The following PCDHA4 variants were observed in gnomAD, a reference collection of about 807,000 sequenced individuals.
PCDHA4 encodes the protein protocadherin alpha-4.
Under a neutral mutation model 61.4 loss-of-function variants are expected in PCDHA4, and 49 were observed. The ratio of observed to expected loss-of-function variants is 0.80; its 90% CI spans 0.63 to 1.01. The LOEUF is 1.01. PCDHA4 is among the 50% of genes least tolerant of loss of function. The probability of loss-of-function intolerance (pLI) is 0.00; values close to 1 mark genes in which losing one functional copy is unlikely to be tolerated. For synonymous variants in PCDHA4, 590 were observed against 550.3 expected, an observed-to-expected ratio of 1.07 and a Z score of -1.01; for missense variants, 1,254 against 1,235.8, an observed-to-expected ratio of 1.01 and a Z score of -0.22.
chr5:141,009,539 C>G lies in PCDHA4; in HGVS notation c.2534-88C>G, dbSNP rs141154047. 10,440 of 1,522,742 alleles carry G rather than the reference C, an allele frequency of 6.9e-3. 51 individuals are homozygous for G. Among genetic ancestry groups the G allele is most frequent in the Admixed American group, 0.011 (516 of 46,760 alleles). 94.3% of individuals were successfully genotyped at this position (1,522,742 alleles called of 1,614,324 possible). A position where few individuals can be genotyped will look rare whatever the true frequency, so the allele number is the denominator to read the frequency against. ...ATTTTTCTGGGGAGGTTCAGCCTGC[C>G]TATGCAGTACTCCTGTACTCTACCA... On this transcript the variant is annotated intron_variant, in intron 3 of 3. Transcript: ENST00000530339.
intron 1 of PCDHA4, chr5:140,884,420 T>A: frequency 1.2e-6 from 2 of 1,613,972 alleles, no homozygotes; most frequent in Non-Finnish European, 8.5e-7. Context: ...GTTGCTGCTG[T>A]ATACTGCGCT....
intron 1 of PCDHA4, chr5:140,827,937 T>C (rs1259463577): frequency 8.9e-7 from 1 of 1,126,774 alleles, no homozygotes; most frequent in African/African-American, 1.6e-5. Context: ...AAGTTATAGC[T>C]AGCCAACATT....
intron 1 of PCDHA4, chr5:140,851,907 T>A: frequency 3.1e-6 from 3 of 970,432 alleles, no homozygotes; most frequent in Non-Finnish European, 2.5e-6. Flanking sequence ...CTCTTTAATG[T>A]CACTACATGT....
chr5:140,890,788 T>C (rs892426818), intron 1 of PCDHA4, among the ~76,000 whole-genome samples: 1 of 152,222 alleles, frequency 6.6e-6, no homozygotes, highest in Non-Finnish European at 1.5e-5. Flanking sequence ...AAGATATTAG[T>C]ATTATTTTAT....
intron 1 of PCDHA4, chr5:140,830,398 C>G: frequency 1.9e-6 from 3 of 1,614,184 alleles, no homozygotes; most frequent in Non-Finnish European, 2.5e-6. Context: ...AGATGGATCT[C>G]ATGGCCTTTA....
At chr5:140,904,187 C>T (rs1554191348) in intron 1 of PCDHA4, among the ~76,000 whole-genome samples, 1 of 151,982 alleles carries the variant, frequency 6.6e-6, no homozygotes, top group Non-Finnish European at 1.5e-5. Context: ...ACCCCCTTCC[C>T]ACCCTTTCCC....
intron 1 of PCDHA4, among the ~76,000 whole-genome samples, chr5:140,875,040 T>C (rs1369679625): frequency 2.0e-5 from 3 of 152,340 alleles, no homozygotes; most frequent in Admixed American, 2.0e-4. Flanking sequence ...ATTTGAAAGA[T>C]TTCTACTTTG....
At chr5:140,828,290 G>C (rs1554131172) in intron 1 of PCDHA4, 2 of 1,614,002 alleles carry the variant, frequency 1.2e-6, no homozygotes, top group African/African-American at 1.3e-5. Context: ...GTTCAGGATG[G>C]CCTCCAAAGA....
At chr5:140,844,257 G>C (rs1328189428) in intron 1 of PCDHA4, among the ~76,000 whole-genome samples, 7 of 149,406 alleles carry the variant, frequency 4.7e-5, no homozygotes, top group African/African-American at 1.7e-4. Context: ...AAGCAGTGTA[G>C]TGATAAAATA....
chr5:140,971,999 A>G (rs543282950), intron 1 of PCDHA4, among the ~76,000 whole-genome samples: 18 of 152,302 alleles, frequency 1.2e-4, no homozygotes, highest in African/African-American at 3.8e-4. Flanking sequence ...TCCAATGTTT[A>G]TATTCCCTTT....
intron 1 of PCDHA4, among the ~76,000 whole-genome samples, chr5:140,899,419 A>G (rs1583341890): frequency 6.6e-6 from 1 of 152,318 alleles, no homozygotes; most frequent in Non-Finnish European, 1.5e-5. Flanking sequence ...GAATTTTGTC[A>G]AAGGTCTTTT....
At chr5:140,985,712 A>G (rs1319708410) in intron 3 of PCDHA4, among the ~76,000 whole-genome samples, 2 of 148,826 alleles carry the variant, frequency 1.3e-5, no homozygotes, top group Non-Finnish European at 3.0e-5. Context: ...TGTTTCTTAA[A>G]GTTATTTTTC....
chr5:140,940,073 A>G (rs1197351000), intron 1 of PCDHA4, among the ~76,000 whole-genome samples: 1 of 152,182 alleles, frequency 6.6e-6, no homozygotes, highest in Non-Finnish European at 1.5e-5. Context: ...AATATGTGAT[A>G]TCTTTCTGCT....
At chr5:140,854,866 A>G (rs1479587477) in intron 1 of PCDHA4, among the ~76,000 whole-genome samples, 3 of 149,974 alleles carry the variant, frequency 2.0e-5, no homozygotes, top group Non-Finnish European at 4.5e-5. Context: ...GATATATTTC[A>G]GAACTGTGTC....
At chr5:140,927,419 G>A (rs781883331) in intron 1 of PCDHA4, 1 of 1,614,140 alleles carries the variant, frequency 6.2e-7, no homozygotes, top group South Asian at 1.1e-5. Flanking sequence ...ATGGGATCGC[G>A]GGTTGACGGC....
intron 1 of PCDHA4, chr5:140,821,766 C>G (rs1424332975): frequency 3.8e-6 from 6 of 1,592,294 alleles, no homozygotes; most frequent in Admixed American, 3.5e-5. Flanking sequence ...ATAATTGGAA[C>G]GAGATTGAGA....
Position 141,000,578 on chromosome 5 carries a change from C to T in PCDHA4, c.2534-9049C>T, listed in dbSNP as rs191579983. On this transcript the variant is annotated intron_variant, in intron 3 of 3. Coordinates refer to ENST00000530339, the MANE Select transcript of PCDHA4 (RefSeq NM_018907.4). ...GAGTAGCTGGGATTACAGGTGCCTG[C>T]CACCATGCCCAGCTAATTTTTGTAT... Among the ~76,000 whole-genome samples the T allele has an allele frequency of 3.1e-3, 460 of 150,716 alleles. 6 individuals carry two copies. Among genetic ancestry groups the T allele is most frequent in the Middle Eastern group, 0.01 (3 of 290 alleles).
intron 1 of PCDHA4, among the ~76,000 whole-genome samples, chr5:140,952,192 G>A (rs572613863): frequency 1.1e-4 from 16 of 152,198 alleles, no homozygotes; most frequent in African/African-American, 3.9e-4. Flanking sequence ...TCATGGGTTG[G>A]TGTTGAATGC....
intron 1 of PCDHA4, among the ~76,000 whole-genome samples, chr5:140,917,131 G>C (rs572644426): frequency 6.6e-6 from 1 of 152,072 alleles, no homozygotes; most frequent in Non-Finnish European, 1.5e-5. Flanking sequence ...GACTCCCCAC[G>C]TTGCTCAGCT....
Sources: gnomAD v4.1 joint callset for allele counts (sites outside exome capture counted in the v4.1 genomes callset) on GRCh38, gnomAD v4.1.1 for gene constraint, MANE v1.5 for transcripts, NCBI Gene and HGNC (gene_info 2026-07-23, HGNC 2026-07-21) for gene names.